GAS7: variants seen among roughly 807,000 people sequenced by gnomAD.
The protein encoded by GAS7 is growth arrest-specific protein 7.
Under a neutral mutation model 71.1 loss-of-function variants are expected in GAS7, and 28 were observed. The ratio of observed to expected loss-of-function variants is 0.39; its 90% CI spans 0.29 to 0.54. The LOEUF (loss-of-function observed/expected upper bound fraction) is 0.54. GAS7 is among the 20% of genes least tolerant of loss of function. GAS7 has a pLI of 0.62. For missense variants in GAS7, 436 were observed against 627.8 expected (o/e 0.69, Z 3.27); for synonymous variants, 258 against 245.8 (o/e 1.05, Z -0.46).
intron 8 of GAS7, among the ~76,000 whole-genome samples, chr17:9,935,991 AC>A (rs1293128197): frequency 6.6e-6 from 1 of 152,168 alleles, no homozygotes; most frequent in Non-Finnish European, 1.5e-5. Flanking sequence ...ACACAAAGTC[AC>A]CCAGCTAGGG....
At chr17:10,121,686 C>T (rs748996454) in intron 1 of GAS7, among the ~76,000 whole-genome samples, 1 of 152,178 alleles carries the variant, frequency 6.6e-6, no homozygotes, top group South Asian at 2.1e-4. Context: ...TCTCCACCCA[C>T]GAAACGATTT....
chr17:10,173,385 G>GA (rs912553298), intron 1 of GAS7, among the ~76,000 whole-genome samples: 1 of 151,544 alleles, frequency 6.6e-6, no homozygotes, highest in South Asian at 2.1e-4. Context: ...AAGAGGGAGA[G>GA]AAAAAAAATG....
At chr17:10,136,289 G>T (rs1277271052) in intron 1 of GAS7, among the ~76,000 whole-genome samples, 1 of 152,090 alleles carries the variant, frequency 6.6e-6, no homozygotes, top group Admixed American at 6.6e-5. Context: ...TCTGTTTCTG[G>T]GTTGGGCCTC....
intron 1 of GAS7, among the ~76,000 whole-genome samples, chr17:10,087,682 A>G (rs1291432582): frequency 6.6e-6 from 1 of 152,220 alleles, no homozygotes; most frequent in East Asian, 1.9e-4. Flanking sequence ...GAAGGCTGCA[A>G]TGGGGTCCTG....
chr17:10,189,406 G>A (rs949384680), intron 1 of GAS7, among the ~76,000 whole-genome samples: 2 of 152,050 alleles, frequency 1.3e-5, no homozygotes, highest in African/African-American at 4.8e-5. Context: ...TTTCCAGAAC[G>A]CATCCGAAGA....
chr17:10,165,735 C>A (rs905435206), intron 1 of GAS7, among the ~76,000 whole-genome samples: 2 of 152,184 alleles, frequency 1.3e-5, no homozygotes, highest in Non-Finnish European at 2.9e-5. Flanking sequence ...CCTACTCCAG[C>A]CTCCCACCCT....
At chr17:10,076,852 C>T (rs1326909505) in intron 1 of GAS7, among the ~76,000 whole-genome samples, 1 of 151,660 alleles carries the variant, frequency 6.6e-6, no homozygotes, top group East Asian at 1.9e-4. Flanking sequence ...TCACCAGAGC[C>T]GGAATCAAGC....
At chr17:10,020,709 C>G (rs1034082098) in intron 1 of GAS7, among the ~76,000 whole-genome samples, 1 of 151,860 alleles carries the variant, frequency 6.6e-6, no homozygotes, top group African/African-American at 2.4e-5. Context: ...CTCAGGAGTT[C>G]GCGACCAGCC....
chr17:10,182,878 G>A (rs1159650937), intron 1 of GAS7, among the ~76,000 whole-genome samples: 1 of 152,170 alleles, frequency 6.6e-6, no homozygotes, highest in East Asian at 1.9e-4. Context: ...ACGAATGCTT[G>A]AGTCCTTCAG....
intron 2 of GAS7, among the ~76,000 whole-genome samples, chr17:9,999,698 G>A (rs1244558125): frequency 6.6e-6 from 1 of 152,058 alleles, no homozygotes; most frequent in Non-Finnish European, 1.5e-5. Flanking sequence ...TTAGCCCCAC[G>A]GCTCCTTCAG....
At chr17:10,195,103 C>T (rs1278263630) in intron 1 of GAS7, among the ~76,000 whole-genome samples, 2 of 152,184 alleles carry the variant, frequency 1.3e-5, no homozygotes, top group African/African-American at 4.8e-5. Flanking sequence ...GACCTCTACA[C>T]TTCCCTGCCT....
intron 1 of GAS7, among the ~76,000 whole-genome samples, chr17:10,043,971 C>T (rs1216841159): frequency 6.6e-6 from 1 of 152,100 alleles, no homozygotes; most frequent in Non-Finnish European, 1.5e-5. Context: ...AGAAAATACA[C>T]CTACAGTACT....
At position 9,925,480 on chromosome 17, in the gene GAS7, C is replaced by A; in HGVS notation, c.1134G>T (p.Gln378His). Reference sequence around the variant, plus strand: ...AGGCGGGTGCCCAGCACTTACCAGCCTGTGTGGACTTTCTCCGCGCCTTCT... The same window carrying A: ...AGGCGGGTGCCCAGCACTTACCAGCATGTGTGGACTTTCTCCGCGCCTTCT... ...DIKKARRKST[Q>H]AGDDLMRCVD... is the part of the protein sequence containing the mutation. Residue 378 changes from glutamine to histidine, a missense_variant, in exon 11 of 14, where the codon CAG becomes CAT. Transcript: ENST00000432992. 1 of 1,614,148 alleles carries A rather than the reference C, an allele frequency of 6.2e-7. No homozygotes were observed. The highest frequency in any genetic ancestry group is 8.5e-7 in the Non-Finnish European group (1 of 1,180,024).
At chr17:9,928,942 C>T (rs1432602727) in intron 9 of GAS7, among the ~76,000 whole-genome samples, 1 of 152,202 alleles carries the variant, frequency 6.6e-6, no homozygotes, top group Non-Finnish European at 1.5e-5. Flanking sequence ...AGAGAACTGG[C>T]CATCCAAACA....
At chr17:10,155,083 C>T (rs1161144674) in intron 1 of GAS7, among the ~76,000 whole-genome samples, 3 of 151,752 alleles carry the variant, frequency 2.0e-5, no homozygotes, top group South Asian at 2.1e-4. Flanking sequence ...GGCACGATCT[C>T]GGCTCACTGC....
At chr17:10,060,379 C>A (rs151084158) in intron 1 of GAS7, among the ~76,000 whole-genome samples, 3 of 152,278 alleles carry the variant, frequency 2.0e-5, no homozygotes, top group African/African-American at 7.2e-5. Context: ...CCTCATGACT[C>A]CGGGATGTGC....
intron 1 of GAS7, among the ~76,000 whole-genome samples, chr17:10,121,118 C>T (rs966083827): frequency 6.6e-6 from 1 of 152,158 alleles, no homozygotes; most frequent in African/African-American, 2.4e-5. Flanking sequence ...CTGTGGCTCT[C>T]GCCTGTAATC....
intron 2 of GAS7, among the ~76,000 whole-genome samples, chr17:9,995,607 T>G (rs2071010974): frequency 6.6e-6 from 1 of 151,682 alleles, no homozygotes; most frequent in Non-Finnish European, 1.5e-5. Flanking sequence ...GACTGTAAGA[T>G]ACTATGTTTT....
At chr17:10,046,834 AAGG>A in intron 1 of GAS7, among the ~76,000 whole-genome samples, 2 of 132,280 alleles carry the variant, frequency 1.5e-5, no homozygotes, top group African/African-American at 3.5e-5. Context: ...GGAAGGAAGG[AAGG>A]AAGGAAGGAA....
Sources: allele counts gnomAD v4.1 joint callset (sites outside exome capture counted in the v4.1 genomes callset), GRCh38; gene constraint gnomAD v4.1.1; transcripts MANE v1.5; gene names NCBI Gene and HGNC (gene_info 2026-07-23, HGNC 2026-07-21).